UGT2B11: variants seen among roughly 807,000 people sequenced by gnomAD.
The protein encoded by UGT2B11 is UDP-glucuronosyltransferase 2B11.
In UGT2B11, 49 loss-of-function variants were observed where a neutral mutation model predicts 51.7. The observed-to-expected ratio is 0.95, with a 90% CI of 0.75 to 1.20. The LOEUF is 1.20. Ranked by LOEUF, UGT2B11 falls within the 50% of genes most tolerant of loss-of-function variation. The pLI is 0.00. For missense variants in UGT2B11, 810 were observed against 622.1 expected (o/e 1.30, Z -3.21); for synonymous variants, 273 against 209.0 (o/e 1.31, Z -2.64).
the UGT2B11 span, among the ~76,000 whole-genome samples, chr4:69,222,743 C>T: frequency 6.6e-6 from 1 of 152,202 alleles, no homozygotes; most frequent in Non-Finnish European, 1.5e-5. Flanking sequence ...CTGAGAATTT[C>T]CCTAAATTTG....
In UGT2B11 at chr4:69,207,956, A is replaced by C. The variant is rs539614286; in HGVS notation, c.1002+395T>G. On this transcript the variant is annotated intron_variant, in intron 3 of 5. Coordinates refer to ENST00000446444, the MANE Select transcript of UGT2B11 (RefSeq NM_001073.3). ...ATATATTTTTAGTTGAAAACACTTG[A>C]AAGTCATTCTAAAGACTACATTAGG... Among the ~76,000 whole-genome samples, 14 of 151,770 alleles carry C rather than the reference A, an allele frequency of 9.2e-5. No homozygotes were observed. The South Asian group carries it at 2.9e-3, about 31-fold the overall frequency.
At chr4:69,200,777 T>C in intron 5 of UGT2B11, 58 bp from the exon 6 acceptor site, 1 of 1,503,448 alleles carries the variant, frequency 6.7e-7, no homozygotes, top group African/African-American at 1.4e-5. Flanking sequence ...CCTGTACATA[T>C]CAAGTCTATG....
chr4:69,200,331 T>TTTTTTTA lies in UGT2B11; in HGVS notation c.*108_*109insTAAAAAA. On this transcript the variant is annotated 3_prime_UTR_variant, in exon 6 of 6. Transcript: ENST00000446444. ...TTGAAAATTTTTTTTTTTTTTTTTT[T>TTTTTTTA]TTTGTCACAGGAAGAAAGAAATCTT... The TTTTTTTA allele has an allele frequency of 8.3e-7, 1 of 1,197,728 alleles. No individual in the cohort carries two copies. Among genetic ancestry groups the TTTTTTTA allele is most frequent in the Non-Finnish European group, 1.1e-6 (1 of 942,060 alleles). 74.2% of individuals were successfully genotyped at this position (1,197,728 alleles called of 1,614,324 possible).
chr4:69,203,909 T>C (rs1721752146), intron 5 of UGT2B11, among the ~76,000 whole-genome samples: 1 of 135,012 alleles, frequency 7.4e-6, no homozygotes, highest in Non-Finnish European at 1.6e-5. Context: ...TCTAAAATTA[T>C]ATATATAATG....
upstream of UGT2B11, chr4:69,216,828 G>T (rs1485085897): frequency 6.6e-6 from 1 of 152,060 alleles, no homozygotes; most frequent in Admixed American, 6.6e-5. Flanking sequence ...GCTGTCTCCA[G>T]AACAAGAGAT....
At position 69,203,967 on chromosome 4, in the gene UGT2B11, G is replaced by A. The variant is rs182989977; in HGVS notation, c.1310+463C>T. 1.6e-3 allele frequency among the ~76,000 whole-genome samples: 244 copies of A among 151,454 alleles called. 2 individuals are homozygous for A. The highest frequency in any genetic ancestry group is 5.8e-3 in the African/African-American group (239 of 41,376). ...CATAGTAAAAATATTTGGATTTTAT[G>A]GCATAAATAGGTGGATTTTAAGCTA... On this transcript the variant is annotated intron_variant, in intron 5 of 5. Transcript: ENST00000446444.
chr4:69,214,730 C>T lies in UGT2B11; in HGVS notation c.-8G>A, dbSNP rs1423956548. The T allele has an allele frequency of 1.9e-6, 3 of 1,608,936 alleles. No individual in the cohort carries two copies. Among genetic ancestry groups the T allele is most frequent in the South Asian group, 1.1e-5 (1 of 90,648 alleles). On this transcript the variant is annotated 5_prime_UTR_variant, in exon 1 of 6. Coordinates refer to ENST00000446444, the MANE Select transcript of UGT2B11 (RefSeq NM_001073.3). ...AGTCCATTTCAGAGTCATCCTGGTG[C>T]AATGCGATCATTCTTTTCCAGTCAC...
chr4:69,200,237 C>G lies in UGT2B11; in HGVS notation c.*203G>C, dbSNP rs1372619263. On this transcript the variant is annotated 3_prime_UTR_variant, in exon 6 of 6. Transcript: ENST00000446444. ...TTTCCTAGTATTTTCTTCATTGCCA[C>G]AAAATATTTCTAACCATTACCTGGG... is the stretch of plus-strand genomic sequence containing the variant. 2.9e-6 allele frequency: 2 copies of G among 688,154 alleles called. No individual in the cohort carries two copies. Among genetic ancestry groups the G allele is most frequent in the Non-Finnish European group, 4.0e-6 (2 of 495,098 alleles). 42.6% of individuals were successfully genotyped at this position (688,154 alleles called of 1,614,324 possible). A position where few individuals can be genotyped will look rare whatever the true frequency, so the allele number is the denominator to read the frequency against.
At position 69,214,517 on chromosome 4, in the gene UGT2B11, G is replaced by A. The variant is rs1386097293; in HGVS notation, c.206C>T (p.Ala69Val). 2 of 1,613,058 alleles carry A rather than the reference G, an allele frequency of 1.2e-6. No individual in the cohort carries two copies. Among genetic ancestry groups the A allele is most frequent in the Non-Finnish European group, 1.7e-6 (2 of 1,179,432 alleles). Residue 69 changes from alanine (A) to valine (V), a missense_variant, in exon 1 of 6, where the codon GCA (alanine) becomes GTA (valine). By Grantham distance (64) the Ala-to-Val change is moderately conservative. Coordinates refer to ENST00000446444, the MANE Select transcript of UGT2B11 (RefSeq NM_001073.3). ...SASILFDPNDASTLKFEVYPT... is the reference protein window; with the variant it reads ...SASILFDPNDVSTLKFEVYPT... Reference sequence around the variant, plus strand: ...ATAAACTTCAAATTTAAGAGTGGATGCATCATTGGGATCAAAAAGAATGGA... The same window carrying A: ...ATAAACTTCAAATTTAAGAGTGGATACATCATTGGGATCAAAAAGAATGGA...
In UGT2B11 at chr4:69,214,525, G is replaced by T; in HGVS notation, c.198C>A (p.Pro66=). 1 of 1,613,014 alleles carries T rather than the reference G, an allele frequency of 6.2e-7. No homozygotes were observed. The highest frequency in any genetic ancestry group is 8.5e-7 in the Non-Finnish European group (1 of 1,179,444). Residue 66 remains proline, a synonymous_variant, in exon 1 of 6, where the codon CCC becomes CCA. Transcript: ENST00000446444. ...CAAATTTAAGAGTGGATGCATCATTGGGATCAAAAAGAATGGAAGCTGAAG... is the reference window on the plus strand; with the variant it reads ...CAAATTTAAGAGTGGATGCATCATTTGGATCAAAAAGAATGGAAGCTGAAG... ...LASSASILFD[P]NDASTLKFEV...
At chr4:69,211,582 G>C (rs1722065921) in intron 2 of UGT2B11, among the ~76,000 whole-genome samples, 1 of 151,546 alleles carries the variant, frequency 6.6e-6, no homozygotes. Flanking sequence ...CTATATGCCA[G>C]AGACATTTTA....
intron 3 of UGT2B11, 42 bp downstream of exon 3, chr4:69,208,309 T>G (rs1161829632): frequency 1.2e-6 from 2 of 1,605,858 alleles, no homozygotes; most frequent in African/African-American, 1.3e-5. Context: ...ATTAACAGCC[T>G]CTTTCAGCAG....
intron 5 of UGT2B11, among the ~76,000 whole-genome samples, chr4:69,202,177 A>G (rs972479420): frequency 6.6e-6 from 1 of 151,730 alleles, no homozygotes; most frequent in African/African-American, 2.4e-5. Context: ...TCATTTTATG[A>G]TGAATAGATA....
chr4:69,223,283 T>G, the UGT2B11 span, among the ~76,000 whole-genome samples: 11 of 151,976 alleles, frequency 7.2e-5, no homozygotes, highest in Non-Finnish European at 1.5e-4. Context: ...TCCGGTTTGG[T>G]GCCCATCTGG....
At chr4:69,202,329 C>G (rs1721689247) in intron 5 of UGT2B11, among the ~76,000 whole-genome samples, 1 of 151,770 alleles carries the variant, frequency 6.6e-6, no homozygotes, top group East Asian at 2.0e-4. Flanking sequence ...TGCATGCAAA[C>G]TTATGATTTA....
chr4:69,215,618 T>C (rs1265246888), upstream of UGT2B11: 1 of 151,990 alleles, frequency 6.6e-6, no homozygotes, highest in African/African-American at 2.4e-5. Context: ...CATGTTTTTA[T>C]TTTTCTTGGG....
chr4:69,205,169 C>T (rs1461522344), intron 4 of UGT2B11, among the ~76,000 whole-genome samples: 4 of 151,494 alleles, frequency 2.6e-5, no homozygotes, highest in Non-Finnish European at 4.4e-5. Context: ...AATAATCCTG[C>T]AGGAGAGGAG....
At chr4:69,218,028 T>C (rs750801603), upstream of UGT2B11, among the ~76,000 whole-genome samples, 6 of 152,188 alleles carry the variant, frequency 3.9e-5, no homozygotes, top group Non-Finnish European at 8.8e-5. Flanking sequence ...AATACAGTCA[T>C]TTTGGTTATA....
At chr4:69,213,848 A>G (rs1217293091) in intron 1 of UGT2B11, among the ~76,000 whole-genome samples, 154 bp downstream of exon 1, 1 of 151,744 alleles carries the variant, frequency 6.6e-6, no homozygotes, top group Non-Finnish European at 1.5e-5. Flanking sequence ...GCTTTTCTAT[A>G]ATGTTTGTGA....
Sources: gnomAD v4.1 joint callset for allele counts (sites outside exome capture counted in the v4.1 genomes callset) on GRCh38, gnomAD v4.1.1 for gene constraint, MANE v1.5 for transcripts, NCBI Gene and HGNC (gene_info 2026-07-23, HGNC 2026-07-21) for gene names.